The following ESRRG variants were observed in gnomAD, a reference collection of about 807,000 sequenced individuals.
The protein encoded by ESRRG is estrogen related receptor gamma, also known as estrogen-related receptor gamma.
In ESRRG, 13 loss-of-function variants were observed where a neutral mutation model predicts 44.0. The observed-to-expected ratio is 0.30, with a 90% CI of 0.19 to 0.47. ESRRG has a LOEUF of 0.47. Among genes scored for constraint, ESRRG ranks in the 20% least tolerant of loss-of-function variants. The pLI, the probability that ESRRG is intolerant of heterozygous loss-of-function variation, is 1.00. For synonymous variants in ESRRG, 215 were observed against 214.6 expected (o/e 1.00, Z -0.02); for missense variants, 395 against 580.6 (o/e 0.68, Z 3.29).
intron 2 of ESRRG, among the ~76,000 whole-genome samples, chr1:216,779,116 A>G (rs1466508029): frequency 7.9e-6 from 1 of 125,948 alleles, no homozygotes; most frequent in Non-Finnish European, 1.6e-5. Context: ...ATATATATAT[A>G]TAATTATATA....
chr1:216,798,073 C>A, intron 2 of ESRRG, among the ~76,000 whole-genome samples: 1 of 152,110 alleles, frequency 6.6e-6, no homozygotes, highest in South Asian at 2.1e-4. Context: ...TGATTCTTTT[C>A]ATTGAACCAA....
Position 216,615,914 on chromosome 1 carries a change from G to A in ESRRG, c.589+35059C>T, listed in dbSNP as rs150567810. 6.2e-3 allele frequency among the ~76,000 whole-genome samples: 944 copies of A among 152,074 alleles called. 4 individuals carry two copies. The highest frequency in any genetic ancestry group is 0.01 in the Non-Finnish European group (709 of 67,996). On this transcript the variant is annotated intron_variant, in intron 3 of 6. Transcript: ENST00000408911. ...TGGGTCAGGCTGGTCTCAGACTCCC[G>A]ACCTCAGGAGATCTGCCCGCCTCGG...
chr1:216,799,292 T>A (rs767321668), intron 2 of ESRRG, among the ~76,000 whole-genome samples: 4 of 150,942 alleles, frequency 2.7e-5, no homozygotes, highest in Non-Finnish European at 5.9e-5. Flanking sequence ...CAGAATTTGG[T>A]CTACTATTTC....
chr1:216,718,767 T>C (rs2789714), intron 1 of ESRRG, among the ~76,000 whole-genome samples: 150,559 of 152,132 alleles, frequency 0.99, 74,522 homozygotes, highest in Middle Eastern at 1. Context: ...GCACTTATAA[T>C]AGATCAACAT....
intron 1 of ESRRG, among the ~76,000 whole-genome samples, chr1:217,105,336 T>G (rs892524836): frequency 6.6e-6 from 1 of 152,224 alleles, no homozygotes; most frequent in Non-Finnish European, 1.5e-5. Flanking sequence ...CTTCATTATT[T>G]TTAACATCAC....
chr1:216,683,176 A>G (rs2077331858), intron 1 of ESRRG, among the ~76,000 whole-genome samples: 1 of 152,200 alleles, frequency 6.6e-6, no homozygotes, highest in African/African-American at 2.4e-5. Flanking sequence ...AAGAAGAGAA[A>G]GGATTTTTTC....
intron 2 of ESRRG, among the ~76,000 whole-genome samples, chr1:216,895,050 C>T (rs922341054): frequency 2.0e-4 from 30 of 152,060 alleles, no homozygotes; most frequent in African/African-American, 6.5e-4. Context: ...GGCTGGGGGG[C>T]GGATAAACCC....
At chr1:216,517,574 A>G (rs981901810) in intron 6 of ESRRG, among the ~76,000 whole-genome samples, 2 of 152,202 alleles carry the variant, frequency 1.3e-5, no homozygotes, top group Non-Finnish European at 2.9e-5. Flanking sequence ...TTAACCAAGT[A>G]AATGTTTTAA....
At chr1:216,992,160 A>C (rs1010740186) in intron 1 of ESRRG, among the ~76,000 whole-genome samples, 1 of 152,166 alleles carries the variant, frequency 6.6e-6, no homozygotes, top group Non-Finnish European at 1.5e-5. Flanking sequence ...CACATCCTAA[A>C]CCACACACAG....
intron 2 of ESRRG, among the ~76,000 whole-genome samples, chr1:216,803,361 A>G (rs2094684195): frequency 1.3e-5 from 2 of 152,144 alleles, no homozygotes; most frequent in East Asian, 3.9e-4. Flanking sequence ...TAGTTTCTTA[A>G]AACAAAGGCT....
chr1:216,811,354 T>C (rs759236730), intron 2 of ESRRG, among the ~76,000 whole-genome samples: 4 of 152,166 alleles, frequency 2.6e-5, no homozygotes, highest in Non-Finnish European at 5.9e-5. Flanking sequence ...TAGTTTGGCA[T>C]AAAGCTCATA....
chr1:216,755,816 C>A (rs112717531), intron 2 of ESRRG, among the ~76,000 whole-genome samples: 3,380 of 152,090 alleles, frequency 0.022, 57 homozygotes, highest in Non-Finnish European at 0.031. Flanking sequence ...TATACTGTTT[C>A]AAAGTTTTCA....
At chr1:216,729,335 C>A (rs1257529255) in intron 2 of ESRRG, among the ~76,000 whole-genome samples, 1 of 152,146 alleles carries the variant, frequency 6.6e-6, no homozygotes, top group East Asian at 1.9e-4. Context: ...TGTCATCCTA[C>A]AATTAGTGAG....
chr1:216,808,335 A>G (rs1240912303), intron 2 of ESRRG, among the ~76,000 whole-genome samples: 1 of 152,186 alleles, frequency 6.6e-6, no homozygotes, highest in Non-Finnish European at 1.5e-5. Flanking sequence ...AAATCCATGT[A>G]AAAAGGCTTG....
At chr1:216,746,451 A>G (rs1412644118) in intron 2 of ESRRG, among the ~76,000 whole-genome samples, 6 of 152,310 alleles carry the variant, frequency 3.9e-5, no homozygotes, top group African/African-American at 1.4e-4. Flanking sequence ...TTATATCCCA[A>G]ATAGTATGAC....
intron 5 of ESRRG, among the ~76,000 whole-genome samples, chr1:216,531,666 T>C (rs904091325): frequency 2.5e-4 from 38 of 152,102 alleles, no homozygotes; most frequent in African/African-American, 9.2e-4. Context: ...GCCGGTGGTA[T>C]ATATTTACTA....
intron 2 of ESRRG, among the ~76,000 whole-genome samples, chr1:216,815,003 C>G (rs1375732838): frequency 6.6e-6 from 1 of 152,132 alleles, no homozygotes; most frequent in East Asian, 1.9e-4. Flanking sequence ...TTTCTTAAAT[C>G]CTCCCCTCAC....
At chr1:216,821,689 A>AAAAAAAAT (rs1484177945) in intron 2 of ESRRG, among the ~76,000 whole-genome samples, 1 of 113,126 alleles carries the variant, frequency 8.8e-6, no homozygotes, top group African/African-American at 3.2e-5. Flanking sequence ...TGCCTCAGGA[A>AAAAAAAAT]AAATAAATAA....
At chr1:216,571,450 CAAACAAACAAACAAACATA>C (rs1004715586) in intron 3 of ESRRG, among the ~76,000 whole-genome samples, 39 of 152,006 alleles carry the variant, frequency 2.6e-4, no homozygotes, top group Non-Finnish European at 3.2e-4. Context: ...TCTCAAAAAA[CAAACAAACAAACAAACATA>C]AAACAAACAA....
Sources: allele counts gnomAD v4.1 joint callset (sites outside exome capture counted in the v4.1 genomes callset), GRCh38; gene constraint gnomAD v4.1.1; transcripts MANE v1.5; gene names NCBI Gene and HGNC (gene_info 2026-07-23, HGNC 2026-07-21).